The following MARK1 variants were observed in gnomAD, a reference collection of about 807,000 sequenced individuals.
The protein encoded by MARK1 is serine/threonine-protein kinase MARK1.
MARK1 carries 40 observed loss-of-function variants against 96.3 expected under a neutral mutation model. That is an observed-to-expected ratio of 0.42 (90% CI 0.32 to 0.54). The LOEUF (loss-of-function observed/expected upper bound fraction) is 0.54, where lower values mean the gene tolerates loss of function less well. Among genes scored for constraint, MARK1 ranks in the 20% least tolerant of loss-of-function variants. The pLI is 0.16. For missense variants in MARK1, 719 were observed against 984.6 expected, an observed-to-expected ratio of 0.73 and a Z score of 3.61; for synonymous variants, 317 against 341.2, an observed-to-expected ratio of 0.93 and a Z score of 0.78.
At position 220,650,247 on chromosome 1, in the gene MARK1, T is replaced by G. The variant is rs116388128; in HGVS notation, c.1471-373T>G. ...CATCTTCACTGCCCGAGGCTCCTGT[T>G]GGTGATGATACTTAGTGTGGAGTTG... On this transcript the variant is annotated intron_variant, in intron 13 of 17. Transcript: ENST00000366917. Among the ~76,000 whole-genome samples, 1,092 of 152,264 alleles carry G rather than the reference T, an allele frequency of 7.2e-3. 17 individuals are homozygous for G. The highest frequency in any genetic ancestry group is 0.022 in the African/African-American group (915 of 41,552).
intron 3 of MARK1, among the ~76,000 whole-genome samples, chr1:220,595,434 G>A (rs369510173): frequency 6.6e-6 from 1 of 152,206 alleles, no homozygotes; most frequent in South Asian, 2.1e-4. Flanking sequence ...GAACGCTTCT[G>A]AGTGAAGGCT....
At chr1:220,534,399 T>C (rs1487592154) in intron 1 of MARK1, among the ~76,000 whole-genome samples, 8 of 152,112 alleles carry the variant, frequency 5.3e-5, no homozygotes, top group Non-Finnish European at 2.9e-5. Flanking sequence ...TCCTTCTAAG[T>C]GTATGTTTAT....
intron 1 of MARK1, among the ~76,000 whole-genome samples, chr1:220,558,133 A>AAATAATAATAAT (rs56212262): frequency 3.1e-4 from 43 of 137,158 alleles, no homozygotes; most frequent in Middle Eastern, 3.7e-3. Flanking sequence ...ACCCTGTCTC[A>AAATAATAATAAT]AATAATAATA....
chr1:220,537,873 C>T (rs1265609817), intron 1 of MARK1, among the ~76,000 whole-genome samples: 1 of 151,692 alleles, frequency 6.6e-6, no homozygotes, highest in Admixed American at 6.6e-5. Context: ...CTTTTGGCTG[C>T]ATAAATGTCT....
chr1:220,605,455 TACAC>T (rs1194948760), intron 6 of MARK1, among the ~76,000 whole-genome samples: 3 of 152,092 alleles, frequency 2.0e-5, no homozygotes, highest in Non-Finnish European at 4.4e-5. Context: ...AATAAAGTAT[TACAC>T]ACATCATTTT....
chr1:220,650,487 A>G, intron 13 of MARK1, 133 bp from the exon 14 acceptor site: 3 of 600,836 alleles, frequency 5.0e-6, no homozygotes, highest in Non-Finnish European at 8.9e-6. Flanking sequence ...GAGGCAGGGG[A>G]TAATCTTGTT....
chr1:220,608,291 A>G (rs980753837), intron 6 of MARK1, among the ~76,000 whole-genome samples: 1 of 152,160 alleles, frequency 6.6e-6, no homozygotes, highest in Non-Finnish European at 1.5e-5. Context: ...GGAAGAGTGT[A>G]TGTGTCCAGG....
chr1:220,632,740 G>T (rs1667740048), intron 11 of MARK1, among the ~76,000 whole-genome samples: 1 of 152,178 alleles, frequency 6.6e-6, no homozygotes, highest in South Asian at 2.1e-4. Flanking sequence ...GTTATTTGAT[G>T]ATATTTTGCC....
intron 1 of MARK1, among the ~76,000 whole-genome samples, chr1:220,575,871 T>A (rs1663793886): frequency 6.6e-6 from 1 of 151,062 alleles, no homozygotes; most frequent in South Asian, 2.1e-4. Context: ...TCCAGAATCG[T>A]TTGTCGATCT....
intron 1 of MARK1, among the ~76,000 whole-genome samples, chr1:220,559,734 G>A (rs1662532158): frequency 6.6e-6 from 1 of 152,222 alleles, no homozygotes; most frequent in Admixed American, 6.5e-5. Context: ...CAGTGGGTAG[G>A]CTGCAGTTTT....
intron 9 of MARK1, chr1:220,626,842 G>A (rs989747940): frequency 4.9e-6 from 2 of 404,926 alleles, no homozygotes; most frequent in Non-Finnish European, 4.8e-6. Context: ...AAAGGGTTGA[G>A]GGGGGCATGC....
At chr1:220,595,985 C>T (rs1665311132) in intron 3 of MARK1, among the ~76,000 whole-genome samples, 3 of 152,074 alleles carry the variant, frequency 2.0e-5, no homozygotes, top group African/African-American at 7.2e-5. Flanking sequence ...CTGGGGAAAA[C>T]CAGTATCAAA....
At chr1:220,651,094 G>C (rs948445356) in intron 14 of MARK1, among the ~76,000 whole-genome samples, 1 of 151,776 alleles carries the variant, frequency 6.6e-6, no homozygotes, top group Non-Finnish European at 1.5e-5. Context: ...CTCAATAAAG[G>C]CTTTATTTTT....
chr1:220,625,991 C>G (rs905379191), intron 9 of MARK1: 2 of 547,850 alleles, frequency 3.7e-6, no homozygotes, highest in Admixed American at 2.0e-5. Context: ...GATACATGTT[C>G]GAGCACAGCA....
intron 13 of MARK1, among the ~76,000 whole-genome samples, chr1:220,646,386 C>T (rs1463947301): frequency 1.3e-5 from 2 of 152,196 alleles, no homozygotes; most frequent in African/African-American, 4.8e-5. Flanking sequence ...AGAACTACAA[C>T]CACTGCTCAA....
At chr1:220,535,940 G>A (rs747734978) in intron 1 of MARK1, among the ~76,000 whole-genome samples, 3 of 152,150 alleles carry the variant, frequency 2.0e-5, no homozygotes, top group Non-Finnish European at 4.4e-5. Context: ...AAGCCAGTAA[G>A]TGTGAGGCTT....
chr1:220,637,875 C>G (rs1261982930), intron 13 of MARK1, among the ~76,000 whole-genome samples: 1 of 151,748 alleles, frequency 6.6e-6, no homozygotes, highest in Non-Finnish European at 1.5e-5. Context: ...GATAAGATAC[C>G]AAAATGCGCA....
At chr1:220,544,399 G>T (rs1423660866) in intron 1 of MARK1, among the ~76,000 whole-genome samples, 1 of 152,142 alleles carries the variant, frequency 6.6e-6, no homozygotes, top group Admixed American at 6.5e-5. Flanking sequence ...TAGTTATCTC[G>T]ATAGTGGGTT....
At chr1:220,561,504 G>A (rs1177836617) in intron 1 of MARK1, among the ~76,000 whole-genome samples, 1 of 152,104 alleles carries the variant, frequency 6.6e-6, no homozygotes, top group Non-Finnish European at 1.5e-5. Context: ...TAGCTTCTCT[G>A]TGACAAGATT....
Sources: gnomAD v4.1 joint callset for allele counts (sites outside exome capture counted in the v4.1 genomes callset) on GRCh38, gnomAD v4.1.1 for gene constraint, MANE v1.5 for transcripts, NCBI Gene and HGNC (gene_info 2026-07-23, HGNC 2026-07-21) for gene names.